PRMT3: variants seen among roughly 807,000 people sequenced by gnomAD.
The protein encoded by PRMT3 is protein arginine methyltransferase 3, also known as protein arginine N-methyltransferase 3.
PRMT3 carries 62 observed loss-of-function variants against 71.9 expected under a neutral mutation model. The observed-to-expected ratio is 0.86, with a 90% CI of 0.70 to 1.07. The LOEUF is 1.07. PRMT3 is among the 50% of genes least tolerant of loss of function. The probability of loss-of-function intolerance (pLI) is 0.00; values close to 1 mark genes in which losing one functional copy is unlikely to be tolerated. For missense variants in PRMT3, 663 were observed against 643.0 expected (o/e 1.03, Z -0.34); for synonymous variants, 213 against 220.4 (o/e 0.97, Z 0.30).
At chr11:20,407,153 T>C (rs1038810854) in intron 8 of PRMT3, 8 of 152,226 alleles carry the variant, frequency 5.3e-5, no homozygotes, top group African/African-American at 1.9e-4. Context: ...AGTGTTGATC[T>C]TCCCAGACAG....
At chr11:20,422,354 T>G (rs1421023683) in intron 9 of PRMT3, among the ~76,000 whole-genome samples, 1 of 152,238 alleles carries the variant, frequency 6.6e-6, no homozygotes, top group African/African-American at 2.4e-5. Context: ...ACTGTCTGCA[T>G]TGTCTTTGTG....
chr11:20,433,141 T>TTCA (rs1192232286), intron 10 of PRMT3, among the ~76,000 whole-genome samples: 1 of 152,090 alleles, frequency 6.6e-6, no homozygotes, highest in Non-Finnish European at 1.5e-5. Flanking sequence ...TACAAATTAT[T>TTCA]TCATCACCTA....
At chr11:20,431,706 G>A (rs916654172) in intron 10 of PRMT3, among the ~76,000 whole-genome samples, 3 of 152,072 alleles carry the variant, frequency 2.0e-5, no homozygotes, top group African/African-American at 4.8e-5. Context: ...ATGAAAGTAA[G>A]CTGATGGATG....
intron 10 of PRMT3, among the ~76,000 whole-genome samples, chr11:20,443,996 C>T (rs545408943): frequency 2.4e-4 from 37 of 152,058 alleles, no homozygotes; most frequent in Non-Finnish European, 5.0e-4. Context: ...ATAATAGGGA[C>T]CTAATAAGTA....
At chr11:20,478,210 G>A (rs1445466999) in intron 13 of PRMT3, among the ~76,000 whole-genome samples, 1 of 151,952 alleles carries the variant, frequency 6.6e-6, no homozygotes, top group African/African-American at 2.4e-5. Context: ...TAGAGTGAGG[G>A]TCTTTTTTAT....
At chr11:20,463,248 A>G (rs568108966) in intron 12 of PRMT3, among the ~76,000 whole-genome samples, 1 of 152,382 alleles carries the variant, frequency 6.6e-6, no homozygotes, top group South Asian at 2.1e-4. Flanking sequence ...TTAATAGTAT[A>G]GAGTAATAAA....
At chr11:20,476,312 A>G (rs1433556470) in intron 13 of PRMT3, among the ~76,000 whole-genome samples, 1 of 152,106 alleles carries the variant, frequency 6.6e-6, no homozygotes, top group Non-Finnish European at 1.5e-5. Context: ...AGATCACCCT[A>G]TTGCACTCCA....
chr11:20,464,149 GTATT>G (rs1850451352), intron 12 of PRMT3, among the ~76,000 whole-genome samples: 1 of 152,108 alleles, frequency 6.6e-6, no homozygotes, highest in Non-Finnish European at 1.5e-5. Context: ...TTATTTGAAA[GTATT>G]TATTTTAGTG....
chr11:20,407,876 T>G (rs777652416), intron 8 of PRMT3, 35 bp from the exon 9 acceptor site: 10 of 1,562,476 alleles, frequency 6.4e-6, no homozygotes, highest in Non-Finnish European at 7.9e-6. Context: ...TTTGATAACA[T>G]CTGTTTTGTT....
intron 11 of PRMT3, among the ~76,000 whole-genome samples, chr11:20,456,265 T>C (rs1850265607): frequency 6.6e-6 from 1 of 152,200 alleles, no homozygotes; most frequent in Admixed American, 6.5e-5. Context: ...CTCTTAAACA[T>C]GTGCTCAGTC....
intron 13 of PRMT3, among the ~76,000 whole-genome samples, chr11:20,471,447 T>C (rs1036641523): frequency 6.6e-6 from 1 of 152,168 alleles, no homozygotes; most frequent in African/African-American, 2.4e-5. Context: ...TAGCCAGTTC[T>C]CCCAACACCA....
At chr11:20,465,784 T>C (rs1219603919) in intron 13 of PRMT3, among the ~76,000 whole-genome samples, 1 of 152,148 alleles carries the variant, frequency 6.6e-6, no homozygotes, top group African/African-American at 2.4e-5. Flanking sequence ...CAAAATTTGA[T>C]TCATTTCCCA....
intron 4 of PRMT3, 69 bp from the exon 5 acceptor site, chr11:20,392,827 TG>T: frequency 1.0e-6 from 1 of 987,204 alleles, no homozygotes; most frequent in South Asian, 1.5e-5. Flanking sequence ...GTTTAATTTC[TG>T]TAGTTTTTAC....
rs970266410 is a variant in PRMT3, at chr11:20,508,739, T to A, written c.*326T>A. On this transcript the variant is annotated 3_prime_UTR_variant, in exon 16 of 16. Coordinates refer to ENST00000331079, the MANE Select transcript of PRMT3 (RefSeq NM_005788.4). ...ATTTGGAAGAGAGATAGTCTTTTGT[T>A]TTTAATAAGTTTCTTACTATAAATT... The A allele has an allele frequency of 2.9e-6, 1 of 341,308 alleles. No individual in the cohort carries two copies. Among genetic ancestry groups the A allele is most frequent in the African/African-American group, 2.1e-5 (1 of 47,440 alleles). The allele number at this position is 341,308 out of a possible 1,614,324, so 21.1% of individuals were successfully genotyped here.
intron 13 of PRMT3, among the ~76,000 whole-genome samples, chr11:20,484,023 A>G (rs1322726148): frequency 6.6e-6 from 1 of 152,208 alleles, no homozygotes; most frequent in African/African-American, 2.4e-5. Flanking sequence ...GGTTGACCAT[A>G]TCTCTTTATC....
At chr11:20,407,778 C>A (rs538770551) in intron 8 of PRMT3, 133 bp from the exon 9 acceptor site, 36 of 887,692 alleles carry the variant, frequency 4.1e-5, no homozygotes, top group Middle Eastern at 7.2e-4. Flanking sequence ...CGTGAGCCAC[C>A]GCGCCTGGCC....
intron 15 of PRMT3, among the ~76,000 whole-genome samples, chr11:20,503,355 C>T (rs927916164): frequency 5.9e-5 from 9 of 152,038 alleles, no homozygotes; most frequent in African/African-American, 2.2e-4. Flanking sequence ...TTCCTAGGCA[C>T]CACATTTTTA....
intron 9 of PRMT3, among the ~76,000 whole-genome samples, chr11:20,422,018 A>T (rs1490806892): frequency 6.6e-6 from 1 of 152,070 alleles, no homozygotes; most frequent in Non-Finnish European, 1.5e-5. Context: ...TGGGGAAGAG[A>T]GTATGGCAGT....
chr11:20,481,971 C>T (rs1850947311), intron 13 of PRMT3, among the ~76,000 whole-genome samples: 1 of 150,306 alleles, frequency 6.7e-6, no homozygotes, highest in South Asian at 2.1e-4. Context: ...ACGTTTCCTG[C>T]TTTGGAAAAC....
Sources: gnomAD v4.1 joint callset for allele counts (sites outside exome capture counted in the v4.1 genomes callset) on GRCh38, gnomAD v4.1.1 for gene constraint, MANE v1.5 for transcripts, NCBI Gene and HGNC (gene_info 2026-07-23, HGNC 2026-07-21) for gene names.